Variants in PBK observed in about 807,000 individuals in gnomAD.
PBK encodes lymphokine-activated killer T-cell-originated protein kinase.
Under a neutral mutation model 33.5 loss-of-function variants are expected in PBK, and 22 were observed. The ratio of observed to expected loss-of-function variants is 0.66; its 90% CI spans 0.47 to 0.94. The LOEUF (loss-of-function observed/expected upper bound fraction) is 0.94. PBK is among the 40% of genes least tolerant of loss of function. The pLI is 0.00. For synonymous variants in PBK, 129 were observed against 123.8 expected, an observed-to-expected ratio of 1.04 and a Z score of -0.28; for missense variants, 376 against 383.4, an observed-to-expected ratio of 0.98 and a Z score of 0.16.
In PBK at chr8:27,810,275, A is replaced by T. The variant is rs1344741352; in HGVS notation, c.*30T>A. 3 of 1,468,644 alleles carry T rather than the reference A, an allele frequency of 2.0e-6. No individual in the cohort carries two copies. The highest frequency in any genetic ancestry group is 2.8e-6 in the Non-Finnish European group (3 of 1,053,528). 91.0% of individuals were successfully genotyped at this position (1,468,644 alleles called of 1,614,324 possible). On this transcript the variant is annotated 3_prime_UTR_variant, in exon 8 of 8. Transcript: ENST00000301905. Reference sequence around the variant, plus strand: ...AATATTTTGGAATAAACAGTTATTTACGCAAGCCACACTTCAGCTGAGATG... The same window carrying T: ...AATATTTTGGAATAAACAGTTATTTTCGCAAGCCACACTTCAGCTGAGATG...
intron 6 of PBK, among the ~76,000 whole-genome samples, chr8:27,814,316 T>C (rs910789357): frequency 5.3e-5 from 8 of 152,154 alleles, no homozygotes; most frequent in African/African-American, 1.9e-4. Flanking sequence ...TCAAATTCAT[T>C]GCCATAAAGC....
chr8:27,824,504 T>C (rs1038322351), intron 3 of PBK, among the ~76,000 whole-genome samples: 5 of 149,672 alleles, frequency 3.3e-5, no homozygotes, highest in Non-Finnish European at 2.9e-5. Context: ...AGAAAAAATA[T>C]GTAAGTAAAT....
rs372784235 is a variant in PBK, at chr8:27,810,429, T to G, written c.845A>C (p.Asn282Thr). The G allele has an allele frequency of 8.7e-6, 14 of 1,608,126 alleles. No homozygotes were observed. The highest frequency in any genetic ancestry group is 1.2e-5 in the Non-Finnish European group (14 of 1,174,592). The change falls in exon 8 of 8, where the codon AAT (asparagine) becomes ACT (threonine). Residue 282 changes from asparagine (N) to threonine (T), a missense_variant. Transcript: ENST00000301905. ...GTATGATTCATCCAGTTCTTCCATATTAATAGGTGGCCTAGTTCCCAACGC... is the reference window on the plus strand; with the variant it reads ...GTATGATTCATCCAGTTCTTCCATAGTAATAGGTGGCCTAGTTCCCAACGC... The part of the protein sequence containing the change: ...YAALGTRPPI[N>T]MEELDESYQK...
intron 2 of PBK, among the ~76,000 whole-genome samples, chr8:27,829,634 G>A (rs1339527774): frequency 1.3e-5 from 2 of 152,056 alleles, no homozygotes; most frequent in African/African-American, 4.8e-5. Flanking sequence ...TTGGGAGGCC[G>A]AGGCAGGCAG....
chr8:27,810,959 TTCA>T lies in PBK; in HGVS notation c.768_770del (p.Asp256del), dbSNP rs763304019. ...TTATGTTAGAAATTGTATTCATACCTTCATCATCATCATCATTTGAAAGATTAA... is the reference window on the plus strand; with the variant it reads ...TTATGTTAGAAATTGTATTCATACCTTCATCATCATCATTTGAAAGATTAA... On this transcript the variant is annotated inframe_deletion and splice_region_variant, in exon 7 of 8. Transcript: ENST00000301905. 2.1e-4 allele frequency: 318 copies of T among 1,544,520 alleles called. No individual in the cohort carries two copies. Among genetic ancestry groups the T allele is most frequent in the Non-Finnish European group, 2.6e-4 (286 of 1,117,896 alleles).
chr8:27,827,821 A>T (rs1806054811), intron 3 of PBK, among the ~76,000 whole-genome samples: 1 of 152,222 alleles, frequency 6.6e-6, no homozygotes, highest in African/African-American at 2.4e-5. Context: ...ACCACAAAGG[A>T]ACCCTTTCCC....
rs377305728 is a variant in PBK at position 27,810,453 on chromosome 8, G to C, written c.821C>G (p.Ala274Gly). Residue 274 changes from alanine to glycine, a missense_variant, in exon 8 of 8, where the codon GCG becomes GGG. By Grantham distance (60) the Ala-to-Gly change is moderately conservative (BLOSUM62 0). Transcript: ENST00000301905. ...ATTAATAGGTGGCCTAGTTCCCAAC[G>C]CTGCATAGTATGCTTCATCATCAAA... ...SDFDDEAYYA[A>G]LGTRPPINME... 6.2e-7 allele frequency: 1 copy of C among 1,608,140 alleles called. No homozygotes were observed. Among genetic ancestry groups the C allele is most frequent in the African/African-American group, 1.3e-5 (1 of 74,758 alleles).
chr8:27,813,169 G>A (rs963557816), intron 6 of PBK, among the ~76,000 whole-genome samples: 4 of 152,152 alleles, frequency 2.6e-5, no homozygotes, highest in African/African-American at 9.7e-5. Context: ...TCCTTTGCAG[G>A]GACATGGATG....
intron 6 of PBK, among the ~76,000 whole-genome samples, chr8:27,814,739 G>A (rs1396453681): frequency 1.3e-5 from 2 of 152,000 alleles, no homozygotes; most frequent in African/African-American, 2.4e-5. Flanking sequence ...AATTTCCCTT[G>A]TCATTTTATT....
chr8:27,829,951 C>G (rs1806096603), intron 2 of PBK, among the ~76,000 whole-genome samples: 1 of 151,792 alleles, frequency 6.6e-6, no homozygotes, highest in Non-Finnish European at 1.5e-5. Context: ...GCCTGTAATC[C>G]CAGCACTTTG....
chr8:27,813,358 T>C (rs1188897061), intron 6 of PBK, among the ~76,000 whole-genome samples: 1 of 152,112 alleles, frequency 6.6e-6, no homozygotes, highest in Non-Finnish European at 1.5e-5. Context: ...AAATACCTAA[T>C]GTAAATGACT....
intron 6 of PBK, among the ~76,000 whole-genome samples, chr8:27,815,029 G>T (rs1351202736): frequency 6.6e-6 from 1 of 152,138 alleles, no homozygotes; most frequent in Admixed American, 6.5e-5. Context: ...TCACAAATAA[G>T]GTTAGAGTGA....
chr8:27,835,364 T>C (rs991132094), intron 1 of PBK, among the ~76,000 whole-genome samples: 12 of 152,240 alleles, frequency 7.9e-5, no homozygotes, highest in Admixed American at 2.0e-4. Flanking sequence ...AACTTGACGG[T>C]AGGAACAGCA....
intron 6 of PBK, among the ~76,000 whole-genome samples, chr8:27,815,203 AAAG>A (rs10578861): frequency 0.16 from 23,825 of 152,006 alleles, 2,348 homozygotes; most frequent in East Asian, 0.36. Context: ...GGGAGGGGTA[AAAG>A]AAGGAAAAGT....
intron 3 of PBK, among the ~76,000 whole-genome samples, chr8:27,826,047 A>G (rs573696414): frequency 6.6e-6 from 1 of 152,348 alleles, no homozygotes; most frequent in East Asian, 1.9e-4. Flanking sequence ...CTACCGACAT[A>G]CAGAAGATCA....
chr8:27,814,003 A>G (rs746974538), intron 6 of PBK, among the ~76,000 whole-genome samples: 1 of 152,212 alleles, frequency 6.6e-6, no homozygotes, highest in Non-Finnish European at 1.5e-5. Context: ...GTGTATAATA[A>G]TCACATCAGG....
Position 27,833,035 on chromosome 8 carries a change from AT to A in PBK, c.58+20del, listed in dbSNP as rs1806158088. ...AGAAACAACAATAGTAAAAAAAAAA[AT>A]CTTACATCTGCTATCTTACCAGATT... On this transcript the variant is annotated intron_variant, in intron 2 of 7. Transcript: ENST00000301905. 3 of 1,430,810 alleles carry A rather than the reference AT, an allele frequency of 2.1e-6. No homozygotes were observed. Among genetic ancestry groups the A allele is most frequent in the Non-Finnish European group, 2.9e-6 (3 of 1,036,512 alleles). 88.6% of individuals were successfully genotyped at this position (1,430,810 alleles called of 1,614,324 possible).
intron 5 of PBK, 59 bp from the exon 6 acceptor site, chr8:27,820,753 G>A (rs1805910029): frequency 7.7e-6 from 7 of 905,664 alleles, no homozygotes; most frequent in Non-Finnish European, 1.2e-5. Context: ...AAAAAAATGT[G>A]ATAACCTCCA....
chr8:27,823,243 T>G, intron 3 of PBK, 38 bp from the exon 4 acceptor site: 1 of 1,297,872 alleles, frequency 7.7e-7, no homozygotes. Flanking sequence ...TAGAAAACAA[T>G]AAAACCACAA....
Sources: allele counts gnomAD v4.1 joint callset (sites outside exome capture counted in the v4.1 genomes callset), GRCh38; gene constraint gnomAD v4.1.1; transcripts MANE v1.5; gene names NCBI Gene and HGNC (gene_info 2026-07-23, HGNC 2026-07-21).